Variants in SNX20 observed in about 807,000 individuals in gnomAD.
The protein encoded by SNX20 is sorting nexin 20, also known as sorting nexin-20.
Under a neutral mutation model 24.5 loss-of-function variants are expected in SNX20, and 21 were observed. The ratio of observed to expected loss-of-function variants is 0.86; its 90% CI spans 0.61 to 1.23. The LOEUF is 1.23. Ranked by LOEUF, SNX20 falls within the 50% of genes most tolerant of loss-of-function variation. The pLI, the probability that SNX20 is intolerant of heterozygous loss-of-function variation, is 0.00. For synonymous variants in SNX20, 206 were observed against 192.8 expected (o/e 1.07, Z -0.57); for missense variants, 433 against 430.8 (o/e 1.00, Z -0.04).
downstream of SNX20, chr16:50,671,138 C>T (rs1963041863): frequency 3.0e-5 from 3 of 100,852 alleles, no homozygotes; most frequent in African/African-American, 1.2e-4. Flanking sequence ...TTTTTTTTTT[C>T]ACATTTCAGC....
At chr16:50,674,150 T>C in intron 3 of SNX20, 76 bp from the exon 4 acceptor site, 1 of 1,499,214 alleles carries the variant, frequency 6.7e-7, no homozygotes, top group Non-Finnish European at 8.9e-7. Context: ...CAGAGTAAAG[T>C]TAACCAGGCC....
chr16:50,668,670 G>A (rs1962970820), downstream of SNX20: 1 of 1,042,676 alleles, frequency 9.6e-7, no homozygotes, highest in Non-Finnish European at 1.2e-6. Flanking sequence ...GCTAAATGCA[G>A]TTGCTGCATG....
At chr16:50,670,443 G>C (rs958892321), downstream of SNX20, 1 of 152,242 alleles carries the variant, frequency 6.6e-6, no homozygotes, top group African/African-American at 2.4e-5. Context: ...CTCCATCCTG[G>C]GTATGGAGGT....
chr16:50,667,725 A>G (rs1411642276), downstream of SNX20: 5 of 442,338 alleles, frequency 1.1e-5, no homozygotes, highest in Non-Finnish European at 2.0e-5. Context: ...GCTCCAAAAC[A>G]GAGTTCTAGC....
chr16:50,673,801 G>C lies in SNX20; in HGVS notation c.556C>G (p.Arg186Gly), dbSNP rs773010904. The stretch of plus-strand genomic sequence containing the variant: ...CCGAAAGCCTCGCGCAGCTCCGGCC[G>C]CGTGAGGAAGTCCAGGAACTCCCGG... ...RSREFLDFLTRPELREAFGCL... is the reference protein window; with the variant it reads ...RSREFLDFLTGPELREAFGCL... Residue 186 changes from arginine (R) to glycine (G), a missense_variant, in exon 4 of 4, where the codon CGG becomes GGG. Physicochemically the swap from Arg to Gly is moderately radical, Grantham distance 125. Transcript: ENST00000330943. This position sits in a 1 kb window ranked among gnomAD's most constrained non-coding sequence, Gnocchi z 4.1. 7 of 1,585,352 alleles carry C rather than the reference G, an allele frequency of 4.4e-6. No homozygotes were observed. Among genetic ancestry groups the C allele is most frequent in the Non-Finnish European group, 6.0e-6 (7 of 1,171,714 alleles).
rs1210879606 is a variant in SNX20 at position 50,673,708 on chromosome 16, T to A, written c.649A>T (p.Lys217Ter). The A allele has an allele frequency of 6.7e-7, 1 of 1,500,142 alleles. No individual in the cohort carries two copies. Among genetic ancestry groups the A allele is most frequent in the East Asian group, 2.6e-5 (1 of 38,124 alleles). The allele number at this position is 1,500,142 out of a possible 1,614,324, so 92.9% of individuals were successfully genotyped here. A position where few individuals can be genotyped will look rare whatever the true frequency, so the allele number is the denominator to read the frequency against. Residue 217 changes from lysine to a stop codon, truncating the protein, a stop_gained, in exon 4 of 4, where the codon AAG (lysine) becomes TAG (stop). Coordinates refer to ENST00000330943, the MANE Select transcript of SNX20 (RefSeq NM_182854.4). LOFTEE classifies it high-confidence loss of function. This position sits in a 1 kb window ranked among gnomAD's most constrained non-coding sequence, Gnocchi z 4.1. ...LLLRVLPLQE[K>*]LTAHCPAAAV... is the part of the protein sequence containing the mutation. ...GCCGCAGGGCAGTGGGCGGTGAGCT[T>A]CTCCTGCAGCGGCAGCACGCGCAGC...
chr16:50,667,781 G>T (rs962214395), downstream of SNX20: 3 of 588,788 alleles, frequency 5.1e-6, no homozygotes, highest in African/African-American at 3.7e-5. Flanking sequence ...ATGCTATGCT[G>T]AGGGGCCACA....
At chr16:50,675,185 CCTTAACA>C (rs1284976777) in intron 3 of SNX20, among the ~76,000 whole-genome samples, 1 of 152,136 alleles carries the variant, frequency 6.6e-6, no homozygotes, top group Non-Finnish European at 1.5e-5. Flanking sequence ...CTTTAACATC[CCTTAACA>C]CAAGCTAAAA....
chr16:50,676,058 C>T (rs1053231426), intron 2 of SNX20, 137 bp from the exon 3 acceptor site: 10 of 971,764 alleles, frequency 1.0e-5, no homozygotes, highest in East Asian at 3.1e-5. Flanking sequence ...TCTCCCACCC[C>T]GCCATTTATA....
downstream of SNX20, chr16:50,669,160 G>A (rs997796572): frequency 1.7e-6 from 2 of 1,156,182 alleles, no homozygotes; most frequent in Non-Finnish European, 2.5e-6. Flanking sequence ...TGTAAACAGA[G>A]GTGAGTGAAA....
chr16:50,669,457 A>G, downstream of SNX20: 1 of 263,484 alleles, frequency 3.8e-6, no homozygotes, highest in South Asian at 5.7e-5. Flanking sequence ...ATTCATTACC[A>G]CGGGGAGGGC....
At chr16:50,670,926 C>T (rs1963033804), downstream of SNX20, 2 of 152,184 alleles carry the variant, frequency 1.3e-5, no homozygotes, top group South Asian at 4.1e-4. Flanking sequence ...TGTGGCCAGT[C>T]CCTTTTTGGG....
rs771534628 is a variant in SNX20, at chr16:50,673,625, G to A, written c.732C>T (p.Ala244=). 17 of 1,561,874 alleles carry A rather than the reference G, an allele frequency of 1.1e-5. No individual in the cohort carries two copies. The highest frequency in any genetic ancestry group is 1.5e-5 in the Non-Finnish European group (17 of 1,162,904). Residue 244 remains alanine, a synonymous_variant, in exon 4 of 4, where the codon GCC becomes GCT. Coordinates refer to ENST00000330943, the MANE Select transcript of SNX20 (RefSeq NM_182854.4). The surrounding 1 kb of genome is among the most constrained non-coding windows in gnomAD (Gnocchi z 4.1). ...LLCHRDLDRP[A]EAFAAGERAL... is the part of the protein sequence containing the mutation. Reference sequence around the variant, plus strand: ...CCCTCTCTCCGGCCGCGAAGGCCTCGGCGGGGCGGTCGAGGTCGCGGTGGC... The same window carrying A: ...CCCTCTCTCCGGCCGCGAAGGCCTCAGCGGGGCGGTCGAGGTCGCGGTGGC...
Position 50,677,417 on chromosome 16 carries a change from G to T in SNX20, c.110C>A (p.Pro37Gln), listed in dbSNP as rs142450670. The part of the protein sequence containing the change: ...APATGPDLPH[P>Q]GPDGHLDTHS... ...CCCACCTAAGTGCCCGTCAGGTCCT[G>T]GGTGCGGGAGGTCGGGGCCAGTGGC... Residue 37 changes from proline to glutamine, a missense_variant, in exon 2 of 4, where the codon CCA becomes CAA. Pro to Gln is a moderately conservative substitution (Grantham distance 76, BLOSUM62 -1). Transcript: ENST00000330943. 188 of 1,604,192 alleles carry T rather than the reference G, an allele frequency of 1.2e-4. No homozygotes were observed. The African/African-American group carries it at 2.2e-3, about 19-fold the overall frequency.
downstream of SNX20, chr16:50,668,585 G>A: frequency 2.1e-5 from 21 of 1,015,208 alleles, no homozygotes; most frequent in Non-Finnish European, 2.5e-5. Context: ...GCTGGTGATT[G>A]ATAGAACAGG....
At position 50,673,875 on chromosome 16, in the gene SNX20, A is replaced by AG. The variant is rs1416224354; in HGVS notation, c.481dup (p.Leu161ProfsTer203). ...GTAGAGCAGGCCCAGGTACTCCTGCAGGGCGCGCCGACGCTCACAGATCAT... is the reference window on the plus strand; with the variant it reads ...GTAGAGCAGGCCCAGGTACTCCTGCAGGGGCGCGCCGACGCTCACAGATCAT... On this transcript the variant is annotated frameshift_variant, in exon 4 of 4. Transcript: ENST00000330943. LOFTEE classifies it high-confidence loss of function. This position sits in a 1 kb window ranked among gnomAD's most constrained non-coding sequence, Gnocchi z 4.1. 1 of 1,607,456 alleles carries AG rather than the reference A, an allele frequency of 6.2e-7. No individual in the cohort carries two copies. The highest frequency in any genetic ancestry group is 1.1e-5 in the South Asian group (1 of 90,880).
At chr16:50,679,657 T>C (rs749924029) in intron 1 of SNX20, among the ~76,000 whole-genome samples, 16 of 152,186 alleles carry the variant, frequency 1.1e-4, no homozygotes, top group Non-Finnish European at 1.8e-4. Flanking sequence ...CTTAAGCAAG[T>C]GCTTTAATAT....
At position 50,673,887 on chromosome 16, in the gene SNX20, C is replaced by G; in HGVS notation, c.470G>C (p.Arg157Pro). 6.2e-7 allele frequency: 1 copy of G among 1,609,440 alleles called. No homozygotes were observed. The highest frequency in any genetic ancestry group is 8.5e-7 in the Non-Finnish European group (1 of 1,179,664). The change falls in exon 4 of 4, where the codon CGT becomes CCT. Residue 157 changes from arginine to proline, a missense_variant. Arg to Pro is a moderately radical substitution (Grantham distance 103). Transcript: ENST00000330943. This position sits in a 1 kb window ranked among gnomAD's most constrained non-coding sequence, Gnocchi z 4.1. ...CAGGTACTCCTGCAGGGCGCGCCGA[C>G]GCTCACAGATCATCTCCTCAGCGAA... ...GNFAEEMICE[R>P]RRALQEYLGL...
At position 50,671,923 on chromosome 16, in the gene SNX20, G is replaced by C. The variant is rs1288538205; in HGVS notation, c.*1483C>G. On this transcript the variant is annotated 3_prime_UTR_variant, in exon 4 of 4. Transcript: ENST00000330943. ...CTAGAGTGATCACTTGCTGGGCCAA[G>C]TTCCTCTCCTTAAGTGGTGTCTCAC... The C allele has an allele frequency of 3.3e-5, 5 of 152,244 alleles. No homozygotes were observed. The highest frequency in any genetic ancestry group is 7.3e-5 in the Non-Finnish European group (5 of 68,058). 9.4% of individuals were successfully genotyped at this position (152,244 alleles called of 1,614,324 possible).
Sources: gnomAD v4.1 joint callset for allele counts (sites outside exome capture counted in the v4.1 genomes callset) on GRCh38, gnomAD v4.1.1 for gene constraint, Gnocchi (gnomAD v3.1) non-coding constraint, MANE v1.5 for transcripts, NCBI Gene and HGNC (gene_info 2026-07-23, HGNC 2026-07-21) for gene names.